Variants in IRAK2 observed in about 807,000 individuals in gnomAD.
IRAK2 encodes the protein interleukin-1 receptor-associated kinase-like 2.
Under a neutral mutation model 72.0 loss-of-function variants are expected in IRAK2, and 57 were observed. That is an observed-to-expected ratio of 0.79 (90% CI 0.64 to 0.99). The LOEUF (loss-of-function observed/expected upper bound fraction) is 0.99, where lower values mean the gene tolerates loss of function less well. Among genes scored for constraint, IRAK2 ranks in the 50% least tolerant of loss-of-function variants. The probability of loss-of-function intolerance (pLI) is 0.00; values close to 1 mark genes in which losing one functional copy is unlikely to be tolerated. For synonymous variants in IRAK2, 293 were observed against 312.7 expected (o/e 0.94, Z 0.67); for missense variants, 790 against 794.4 (o/e 0.99, Z 0.07).
At chr3:10,188,437 C>T (rs545274036) in intron 2 of IRAK2, among the ~76,000 whole-genome samples, 6 of 152,346 alleles carry the variant, frequency 3.9e-5, no homozygotes, top group African/African-American at 7.2e-5. Flanking sequence ...CGGGTTCAAG[C>T]GATCCTTGTG....
intron 2 of IRAK2, among the ~76,000 whole-genome samples, chr3:10,194,395 T>G (rs1018641819): frequency 6.6e-6 from 1 of 152,130 alleles, no homozygotes; most frequent in Non-Finnish European, 1.5e-5. Flanking sequence ...AGTGCTGTCT[T>G]GGAAGCCTGA....
intron 1 of IRAK2, among the ~76,000 whole-genome samples, chr3:10,165,872 A>G (rs1363636910): frequency 6.6e-6 from 1 of 151,984 alleles, no homozygotes; most frequent in East Asian, 1.9e-4. Context: ...CTGGGACTAC[A>G]GGCGCCCGCC....
chr3:10,174,640 T>C (rs1300013955), intron 1 of IRAK2, among the ~76,000 whole-genome samples: 1 of 152,108 alleles, frequency 6.6e-6, no homozygotes, highest in Non-Finnish European at 1.5e-5. Flanking sequence ...TTCTCCTGCC[T>C]CAGCCTTCCA....
At chr3:10,176,959 C>T (rs141088077) in intron 1 of IRAK2, among the ~76,000 whole-genome samples, 4,818 of 151,868 alleles carry the variant, frequency 0.032, 249 homozygotes, top group African/African-American at 0.11. Context: ...CCCGCCACCA[C>T]GCCCGGCTAA....
chr3:10,183,282 A>T (rs1696991996), intron 2 of IRAK2, among the ~76,000 whole-genome samples: 1 of 152,132 alleles, frequency 6.6e-6, no homozygotes, highest in South Asian at 2.1e-4. Flanking sequence ...ATCCCTGCAC[A>T]GTCTCTTGAA....
chr3:10,165,193 T>A, intron 1 of IRAK2, 145 bp downstream of exon 1: 1 of 667,174 alleles, frequency 1.5e-6, no homozygotes, highest in Non-Finnish European at 2.5e-6. Context: ...CTGGACCGGG[T>A]CCGCCGCGGA....
chr3:10,209,735 A>G (rs1210941185), intron 4 of IRAK2, 43 bp downstream of exon 4: 3 of 1,220,636 alleles, frequency 2.5e-6, no homozygotes, highest in Middle Eastern at 2.0e-4. Flanking sequence ...CATGTCTCCC[A>G]GCGTGTAGTT....
chr3:10,166,949 T>A (rs528846879), intron 1 of IRAK2, among the ~76,000 whole-genome samples: 21 of 152,288 alleles, frequency 1.4e-4, no homozygotes, highest in African/African-American at 5.1e-4. Flanking sequence ...TGGACCTGGC[T>A]TCACTACTTT....
chr3:10,232,623 C>T lies in IRAK2; in HGVS notation c.1273-1836C>T, dbSNP rs181570068. 2.0e-5 allele frequency among the ~76,000 whole-genome samples: 3 copies of T among 152,242 alleles called. No homozygotes were observed. In the East Asian group the frequency reaches 5.8e-4, roughly 29 times the overall value. ...CTTCTGTAGTTTTTTTGATTATCGT[C>T]ATAGTCTTTGCATCAAGATACATAG... On this transcript the variant is annotated intron_variant, in intron 10 of 12. Coordinates refer to ENST00000256458, the MANE Select transcript of IRAK2 (RefSeq NM_001570.4).
At chr3:10,174,820 C>T (rs1008566069) in intron 1 of IRAK2, among the ~76,000 whole-genome samples, 5 of 151,864 alleles carry the variant, frequency 3.3e-5, no homozygotes, top group South Asian at 2.1e-4. Context: ...CCACTGCACC[C>T]GGCTGATTAC....
chr3:10,217,234 T>C (rs139586423), intron 7 of IRAK2, among the ~76,000 whole-genome samples, 186 bp downstream of exon 7: 1 of 152,142 alleles, frequency 6.6e-6, no homozygotes, highest in Non-Finnish European at 1.5e-5. Flanking sequence ...GCAGCACATA[T>C]ACCAAAATTG....
At chr3:10,241,076 G>C (rs920098937) in intron 12 of IRAK2, among the ~76,000 whole-genome samples, 1 of 151,766 alleles carries the variant, frequency 6.6e-6, no homozygotes, top group African/African-American at 2.4e-5. Context: ...GGAAGGCCAG[G>C]GTAGGTTGCA....
chr3:10,225,100 C>T (rs1697754194), intron 9 of IRAK2, among the ~76,000 whole-genome samples: 1 of 152,004 alleles, frequency 6.6e-6, no homozygotes, highest in African/African-American at 2.4e-5. Context: ...CCTCTGCTGC[C>T]CTTTTCTGGT....
chr3:10,186,379 C>T (rs1354614737), intron 2 of IRAK2, among the ~76,000 whole-genome samples: 1 of 151,726 alleles, frequency 6.6e-6, no homozygotes, highest in East Asian at 1.9e-4. Flanking sequence ...ATCAGTTCTG[C>T]TGTGGTAATC....
At chr3:10,216,210 TAAG>T in intron 6 of IRAK2, among the ~76,000 whole-genome samples, 1 of 152,072 alleles carries the variant, frequency 6.6e-6, no homozygotes, top group East Asian at 1.9e-4. Flanking sequence ...ATACGGGAGA[TAAG>T]AAGGTTTCTA....
chr3:10,240,558 C>CCCTT (rs1274154130), intron 12 of IRAK2, among the ~76,000 whole-genome samples: 5 of 18,066 alleles, frequency 2.8e-4, no homozygotes, highest in Admixed American at 1.1e-3. Flanking sequence ...CCCCCCCCGC[C>CCCTT]TTTTTTTTTT....
At chr3:10,181,016 A>C (rs960909868) in intron 2 of IRAK2, among the ~76,000 whole-genome samples, 1 of 152,136 alleles carries the variant, frequency 6.6e-6, no homozygotes, top group Non-Finnish European at 1.5e-5. Flanking sequence ...CTGCTTCTGC[A>C]CAGGCTGGAC....
At chr3:10,233,225 A>T (rs1033269485) in intron 10 of IRAK2, among the ~76,000 whole-genome samples, 1 of 151,696 alleles carries the variant, frequency 6.6e-6, no homozygotes, top group Non-Finnish European at 1.5e-5. Flanking sequence ...AATTTTTTGT[A>T]TTTTTTAGTA....
intron 2 of IRAK2, among the ~76,000 whole-genome samples, chr3:10,192,896 G>T (rs1697199793): frequency 6.6e-6 from 1 of 152,188 alleles, no homozygotes; most frequent in Non-Finnish European, 1.5e-5. Flanking sequence ...TCCAGCCTGG[G>T]CAACAGAGCG....
Sources: gnomAD v4.1 joint callset for allele counts (sites outside exome capture counted in the v4.1 genomes callset) on GRCh38, gnomAD v4.1.1 for gene constraint, MANE v1.5 for transcripts, NCBI Gene and HGNC (gene_info 2026-07-23, HGNC 2026-07-21) for gene names.